Variants in ANGPTL4 observed in about 807,000 individuals in gnomAD.
ANGPTL4 encodes angiopoietin like 4, also known as angiopoietin-related protein 4.
Under a neutral mutation model 39.2 loss-of-function variants are expected in ANGPTL4, and 39 were observed. The ratio of observed to expected loss-of-function variants is 1.00; its 90% CI spans 0.77 to 1.30. The LOEUF (loss-of-function observed/expected upper bound fraction) is 1.30, where lower values mean the gene tolerates loss of function less well. ANGPTL4 is among the 50% of genes most tolerant of loss of function. The probability of loss-of-function intolerance (pLI) is 0.00; values close to 1 mark genes in which losing one functional copy is unlikely to be tolerated. For synonymous variants in ANGPTL4, 233 were observed against 229.5 expected (o/e 1.02, Z -0.14); for missense variants, 545 against 549.8 (o/e 0.99, Z 0.09).
chr19:8,369,351 C>T lies in ANGPTL4; in HGVS notation c.661+19C>T. 1 of 1,582,062 alleles carries T rather than the reference C, an allele frequency of 6.3e-7. No individual in the cohort carries two copies. Among genetic ancestry groups the T allele is most frequent in the African/African-American group, 1.3e-5 (1 of 74,434 alleles). On this transcript the variant is annotated intron_variant, in intron 4 of 6. Transcript: ENST00000301455. ...ACCTCAGGTAGGGTGTGTTAGTCCACCAGGGGCCCCTCTCCCCATAGGCCC... is the reference window on the plus strand; with the variant it reads ...ACCTCAGGTAGGGTGTGTTAGTCCATCAGGGGCCCCTCTCCCCATAGGCCC...
Position 8,364,488 on chromosome 19 carries a change from G to C in ANGPTL4, c.167G>C (p.Arg56Pro). The change falls in exon 1 of 7, where the codon CGC becomes CCC. Residue 56 changes from arginine to proline, a missense_variant. Arg to Pro is a moderately radical substitution (Grantham distance 103, BLOSUM62 -2). Transcript: ENST00000301455. ...CTCCTGCAGCTCGGCCAGGGGCTGC[G>C]CGAACACGCGGAGCGCACCCGCAGT... ...HGLLQLGQGL[R>P]EHAERTRSQL... The C allele has an allele frequency of 1.3e-6, 2 of 1,564,746 alleles. No homozygotes were observed. Among genetic ancestry groups the C allele is most frequent in the Non-Finnish European group, 1.7e-6 (2 of 1,156,042 alleles).
intron 3 of ANGPTL4, among the ~76,000 whole-genome samples, chr19:8,368,984 G>A (rs1971060565): frequency 6.6e-6 from 1 of 152,234 alleles, no homozygotes; most frequent in Non-Finnish European, 1.5e-5. Context: ...GTACAGCATG[G>A]CAGGAGGAGG....
chr19:8,367,235 C>T (rs912403783), intron 3 of ANGPTL4, among the ~76,000 whole-genome samples: 1 of 151,384 alleles, frequency 6.6e-6, no homozygotes, highest in East Asian at 2.0e-4. Flanking sequence ...AGCATCTCAG[C>T]GTGGTCAGGG....
Position 8,366,001 on chromosome 19 carries a change from G to C in ANGPTL4, c.366G>C (p.Lys122Asn), listed in dbSNP as rs1245211166. The change falls in exon 2 of 7, where the codon AAG becomes AAC. Residue 122 changes from lysine (K) to asparagine (N), a missense_variant. Coordinates refer to ENST00000301455, the MANE Select transcript of ANGPTL4 (RefSeq NM_139314.3). The stretch of plus-strand genomic sequence containing the variant: ...GCAGGATCCAGCAACTCTTCCACAA[G>C]GTGGCCCAGCAGCAGCGGCACCTGG... The part of the protein sequence containing the change: ...QNSRIQQLFH[K>N]VAQQQRHLEK... 3 of 1,613,986 alleles carry C rather than the reference G, an allele frequency of 1.9e-6. No homozygotes were observed. The highest frequency in any genetic ancestry group is 2.7e-5 in the African/African-American group (2 of 74,894).
intron 4 of ANGPTL4, 113 bp downstream of exon 4, chr19:8,369,445 C>A: frequency 2.7e-6 from 2 of 746,584 alleles, no homozygotes; most frequent in Non-Finnish European, 4.3e-6. Context: ...GCTATGTTGC[C>A]CAAGCTGGTC....
Position 8,371,355 on chromosome 19 carries a change from T to A in ANGPTL4, c.872T>A (p.Val291Glu). 2.5e-6 allele frequency: 4 copies of A among 1,613,712 alleles called. No homozygotes were observed. The highest frequency in any genetic ancestry group is 3.4e-6 in the Non-Finnish European group (4 of 1,180,024). Residue 291 changes from valine (V) to glutamate (E), a missense_variant, in exon 6 of 7, where the codon GTG becomes GAG. Transcript: ENST00000301455. This position sits in a 1 kb window ranked among gnomAD's most constrained non-coding sequence, Gnocchi z 5.1. Reference sequence around the variant, plus strand: ...AACGCCGAGTTGCTGCAGTTCTCCGTGCACCTGGGTGGCGAGGACACGGCC... The same window carrying A: ...AACGCCGAGTTGCTGCAGTTCTCCGAGCACCTGGGTGGCGAGGACACGGCC... Reference protein sequence around the residue: ...DGNAELLQFSVHLGGEDTAYS... With the variant: ...DGNAELLQFSEHLGGEDTAYS...
Position 8,374,107 on chromosome 19 carries a change from T to G in ANGPTL4, c.*221T>G. 1 of 568,346 alleles carries G rather than the reference T, an allele frequency of 1.8e-6. No individual in the cohort carries two copies. The highest frequency in any genetic ancestry group is 2.0e-5 in the South Asian group (1 of 49,900). The allele number at this position is 568,346 out of a possible 1,614,324, so 35.2% of individuals were successfully genotyped here. A position where few individuals can be genotyped will look rare whatever the true frequency, so the allele number is the denominator to read the frequency against. On this transcript the variant is annotated 3_prime_UTR_variant, in exon 7 of 7. Transcript: ENST00000301455. ...GAGGCTGCAGGATATGCTCAGACTC[T>G]AGAGGCGTGGACCAAGGGGCATGGA...
At position 8,364,203 on chromosome 19, in the gene ANGPTL4, C is replaced by A; in HGVS notation, c.-119C>A. 1 of 1,056,406 alleles carries A rather than the reference C, an allele frequency of 9.5e-7. No individual in the cohort carries two copies. The highest frequency in any genetic ancestry group is 1.3e-6 in the Non-Finnish European group (1 of 742,626). The allele number at this position is 1,056,406 out of a possible 1,614,324, so 65.4% of individuals were successfully genotyped here. A position where few individuals can be genotyped will look rare whatever the true frequency, so the allele number is the denominator to read the frequency against. On this transcript the variant is annotated 5_prime_UTR_variant, in exon 1 of 7. Transcript: ENST00000301455. The stretch of plus-strand genomic sequence containing the variant: ...CACACGACTGTGATCCGATTCTTTC[C>A]AGCGGCTTCTGCAACCAAGCGGGTC...
In ANGPTL4 at chr19:8,371,098, T is replaced by A. The variant is rs1568218008; in HGVS notation, c.704T>A (p.Val235Glu). The A allele has an allele frequency of 1.2e-6, 2 of 1,610,076 alleles. No individual in the cohort carries two copies. The highest frequency in any genetic ancestry group is 2.7e-5 in the African/African-American group (2 of 74,854). The part of the protein sequence containing the change: ...TVIQRRHDGS[V>E]DFNRPWEAYK... ...ATTCAGAGGCGCCACGATGGCTCAG[T>A]GGACTTCAACCGGCCCTGGGAAGCC... Residue 235 changes from valine (V) to glutamate (E), a missense_variant, in exon 5 of 7, where the codon GTG becomes GAG. By Grantham distance (121) the Val-to-Glu change is moderately radical (BLOSUM62 -2). Transcript: ENST00000301455. This position sits in a 1 kb window ranked among gnomAD's most constrained non-coding sequence, Gnocchi z 5.1.
chr19:8,371,321 T>C lies in ANGPTL4; in HGVS notation c.838T>C (p.Trp280Arg). The change falls in exon 6 of 7, where the codon TGG becomes CGG. Residue 280 changes from tryptophan (W) to arginine (R), a missense_variant. Transcript: ENST00000301455. This position sits in a 1 kb window ranked among gnomAD's most constrained non-coding sequence, Gnocchi z 5.1. ...CCGCCTGGCCGTGCAGCTGCGGGAC[T>C]GGGATGGCAACGCCGAGTTGCTGCA... Reference protein sequence around the residue: ...NSRLAVQLRDWDGNAELLQFS... With the variant: ...NSRLAVQLRDRDGNAELLQFS... 7.4e-6 allele frequency: 12 copies of C among 1,613,862 alleles called. No homozygotes were observed. Among genetic ancestry groups the C allele is most frequent in the Non-Finnish European group, 9.3e-6 (11 of 1,180,024 alleles).
chr19:8,364,333 T>A lies in ANGPTL4; in HGVS notation c.12T>A (p.Ala4=). The change falls in exon 1 of 7, where the codon GCT becomes GCA. Residue 4 remains alanine (A), a synonymous_variant. Coordinates refer to ENST00000301455, the MANE Select transcript of ANGPTL4 (RefSeq NM_139314.3). MSG[A]PTAGAALMLC... is the part of the protein sequence containing the mutation. ...GGCTACCTAAGAGGATGAGCGGTGC[T>A]CCGACGGCCGGGGCAGCCCTGATGC... 6.5e-7 allele frequency: 1 copy of A among 1,545,000 alleles called. No individual in the cohort carries two copies. The highest frequency in any genetic ancestry group is 1.9e-5 in the Admixed American group (1 of 51,958).
chr19:8,374,122 A>C lies in ANGPTL4; in HGVS notation c.*236A>C. The C allele has an allele frequency of 3.8e-6, 2 of 531,692 alleles. No homozygotes were observed. The highest frequency in any genetic ancestry group is 6.4e-5 in the Admixed American group (2 of 31,448). 32.9% of individuals were successfully genotyped at this position (531,692 alleles called of 1,614,324 possible). On this transcript the variant is annotated 3_prime_UTR_variant, in exon 7 of 7. Coordinates refer to ENST00000301455, the MANE Select transcript of ANGPTL4 (RefSeq NM_139314.3). ...GCTCAGACTCTAGAGGCGTGGACCAAGGGGCATGGAGCTTCACTCCTTGCT... is the reference window on the plus strand; with the variant it reads ...GCTCAGACTCTAGAGGCGTGGACCACGGGGCATGGAGCTTCACTCCTTGCT...
chr19:8,369,157 C>T, intron 3 of ANGPTL4, 62 bp from the exon 4 acceptor site: 3 of 1,389,956 alleles, frequency 2.2e-6, no homozygotes, highest in South Asian at 1.2e-5. Flanking sequence ...ATATGCCTGG[C>T]TCCTGAGACC....
intron 6 of ANGPTL4, among the ~76,000 whole-genome samples, chr19:8,373,242 T>TA (rs1395267614): frequency 6.6e-6 from 1 of 151,982 alleles, no homozygotes; most frequent in African/African-American, 2.4e-5. Flanking sequence ...CCCTCACTAC[T>TA]AAAAATACAA....
At chr19:8,367,671 C>T (rs1251054397) in intron 3 of ANGPTL4, among the ~76,000 whole-genome samples, 1 of 152,006 alleles carries the variant, frequency 6.6e-6, no homozygotes, top group Non-Finnish European at 1.5e-5. Context: ...TCAACGCCAT[C>T]CTCCCCTCCT....
At position 8,369,268 on chromosome 19, in the gene ANGPTL4, T is replaced by C; in HGVS notation, c.597T>C (p.Ser199=). The C allele has an allele frequency of 2.5e-6, 4 of 1,611,744 alleles. No individual in the cohort carries two copies. The highest frequency in any genetic ancestry group is 1.8e-4 in the Middle Eastern group (1 of 5,426). Residue 199 remains serine, a synonymous_variant, in exon 4 of 7, where the codon AGT becomes AGC. Transcript: ENST00000301455. ...TGTTCCAGGTTGGGGAGAGGCAGAG[T>C]GGACTATTTGAAATCCAGCCTCAGG... ...QELFQVGERQ[S]GLFEIQPQGS...
rs1468427420 is a variant in ANGPTL4 at position 8,371,574 on chromosome 19, T to A, written c.1039+52T>A. The A allele has an allele frequency of 1.2e-6, 2 of 1,608,774 alleles. No homozygotes were observed. Among genetic ancestry groups the A allele is most frequent in the Admixed American group, 3.3e-5 (2 of 59,898 alleles). On this transcript the variant is annotated intron_variant, in intron 6 of 6. Coordinates refer to ENST00000301455, the MANE Select transcript of ANGPTL4 (RefSeq NM_139314.3). This position sits in a 1 kb window ranked among gnomAD's most constrained non-coding sequence, Gnocchi z 5.1. Reference sequence around the variant, plus strand: ...CAGCCAGCAGCTTCCCTCCTTATCTTTCTGCTGCTCTGTCCTGCCTTCAAC... The same window carrying A: ...CAGCCAGCAGCTTCCCTCCTTATCTATCTGCTGCTCTGTCCTGCCTTCAAC...
At position 8,364,402 on chromosome 19, in the gene ANGPTL4, C is replaced by A; in HGVS notation, c.81C>A (p.Pro27=). The change falls in exon 1 of 7, where the codon CCC becomes CCA. Residue 27 remains proline (P), a synonymous_variant. Transcript: ENST00000301455. ...TAVLLSAQGG[P]VQSKSPRFAS... ...TGCTACTGAGCGCTCAGGGCGGACC[C>A]GTGCAGTCCAAGTCGCCGCGCTTTG... 1 of 1,547,082 alleles carries A rather than the reference C, an allele frequency of 6.5e-7. No individual in the cohort carries two copies.
At chr19:8,372,215 C>T (rs1304370170) in intron 6 of ANGPTL4, among the ~76,000 whole-genome samples, 1 of 151,624 alleles carries the variant, frequency 6.6e-6, no homozygotes, top group Non-Finnish European at 1.5e-5. Flanking sequence ...CGCCACCATG[C>T]ACAGATAATT....
Sources: gnomAD v4.1 joint callset for allele counts (sites outside exome capture counted in the v4.1 genomes callset) on GRCh38, gnomAD v4.1.1 for gene constraint, Gnocchi (gnomAD v3.1) non-coding constraint, MANE v1.5 for transcripts, NCBI Gene and HGNC (gene_info 2026-07-23, HGNC 2026-07-21) for gene names.